The following COMMD1 variants were observed in gnomAD, a reference collection of about 807,000 sequenced individuals.
COMMD1 encodes copper metabolism domain containing 1, also known as COMM domain-containing protein 1.
COMMD1 carries 10 observed loss-of-function variants against 17.2 expected under a neutral mutation model. The ratio of observed to expected loss-of-function variants is 0.58; its 90% CI spans 0.36 to 0.99. The LOEUF is 0.99. COMMD1 is among the 50% of genes least tolerant of loss of function. The probability of loss-of-function intolerance (pLI) is 0.01; values close to 1 mark genes in which losing one functional copy is unlikely to be tolerated. For synonymous variants in COMMD1, 97 were observed against 91.6 expected, an observed-to-expected ratio of 1.06 and a Z score of -0.34; for missense variants, 270 against 231.8, an observed-to-expected ratio of 1.17 and a Z score of -1.07.
intron 2 of COMMD1, among the ~76,000 whole-genome samples, chr2:62,003,198 A>C (rs184623947): frequency 6.6e-6 from 1 of 150,684 alleles, no homozygotes; most frequent in Non-Finnish European, 1.5e-5. Flanking sequence ...GTGCCACTGC[A>C]CTCCAGTCTG....
chr2:62,060,010 A>G (rs1670814960), intron 2 of COMMD1, among the ~76,000 whole-genome samples: 1 of 152,126 alleles, frequency 6.6e-6, no homozygotes, highest in Admixed American at 6.5e-5. Flanking sequence ...GGATTGCACT[A>G]GAGATTACAA....
intron 1 of COMMD1, among the ~76,000 whole-genome samples, chr2:61,986,367 A>G (rs767755221): frequency 6.6e-6 from 1 of 151,922 alleles, no homozygotes; most frequent in Non-Finnish European, 1.5e-5. Context: ...TCTTCTTTGC[A>G]TTAAATCTGT....
chr2:61,983,854 T>C (rs1672025462), intron 1 of COMMD1, among the ~76,000 whole-genome samples: 1 of 152,228 alleles, frequency 6.6e-6, no homozygotes, highest in African/African-American at 2.4e-5. Context: ...ATCTTTATTA[T>C]TTCTTTGCTT....
intron 1 of COMMD1, among the ~76,000 whole-genome samples, chr2:61,983,341 C>T (rs1006856705): frequency 3.3e-5 from 5 of 151,752 alleles, no homozygotes; most frequent in Non-Finnish European, 5.9e-5. Context: ...AGGCACGTGC[C>T]ACCACGCCTG....
intron 1 of COMMD1, among the ~76,000 whole-genome samples, chr2:61,994,234 A>G (rs754939287): frequency 1.3e-5 from 2 of 151,988 alleles, no homozygotes; most frequent in Admixed American, 6.6e-5. Context: ...TGACCTGCCC[A>G]CCTCAGCCTC....
chr2:62,022,710 T>C (rs1374464694), intron 2 of COMMD1, among the ~76,000 whole-genome samples: 1 of 152,042 alleles, frequency 6.6e-6, no homozygotes. Context: ...CCCTCTACTT[T>C]AGTAGAAATG....
intron 1 of COMMD1, among the ~76,000 whole-genome samples, chr2:61,946,126 G>C (rs1670898373): frequency 6.6e-6 from 1 of 152,050 alleles, no homozygotes; most frequent in African/African-American, 2.4e-5. Context: ...GTTTTACACA[G>C]ATATAACTTA....
intron 2 of COMMD1, among the ~76,000 whole-genome samples, chr2:62,046,226 G>A (rs1410110254): frequency 6.6e-6 from 1 of 152,202 alleles, no homozygotes; most frequent in African/African-American, 2.4e-5. Context: ...TCCTGGTTAA[G>A]TCATATAACT....
chr2:62,102,426 C>T (rs943208908), intron 2 of COMMD1, among the ~76,000 whole-genome samples: 19 of 152,282 alleles, frequency 1.2e-4, no homozygotes, highest in African/African-American at 4.6e-4. Flanking sequence ...CTGAACTAAA[C>T]ATTTTCTCTT....
chr2:62,105,173 A>G (rs1463745731), intron 2 of COMMD1, among the ~76,000 whole-genome samples: 2 of 151,872 alleles, frequency 1.3e-5, no homozygotes, highest in Non-Finnish European at 2.9e-5. Flanking sequence ...ATATAACATA[A>G]TAGTAGATTG....
In COMMD1 at chr2:62,005,868, T is replaced by C. The variant is rs1669097875; in HGVS notation, c.462+4886T>C. Among the ~76,000 whole-genome samples, 12 of 151,500 alleles carry C rather than the reference T, an allele frequency of 7.9e-5. 1 individual carries two copies. The South Asian group carries it at 2.3e-3, about 29-fold the overall frequency. Reference sequence around the variant, plus strand: ...GGGTATATACCCAAAGGACTATAAATCATGCTGCTATAAAGACACATGCAC... The same window carrying C: ...GGGTATATACCCAAAGGACTATAAACCATGCTGCTATAAAGACACATGCAC... On this transcript the variant is annotated intron_variant, in intron 2 of 2. Transcript: ENST00000311832.
At chr2:61,932,156 G>A (rs1670482014) in intron 1 of COMMD1, among the ~76,000 whole-genome samples, 1 of 152,188 alleles carries the variant, frequency 6.6e-6, no homozygotes. Flanking sequence ...CACCGCGTCT[G>A]GCCTTTTCTT....
At chr2:62,115,204 G>T (rs555446515) in intron 2 of COMMD1, among the ~76,000 whole-genome samples, 28 of 152,208 alleles carry the variant, frequency 1.8e-4, no homozygotes, top group Non-Finnish European at 3.8e-4. Flanking sequence ...CTAGAAGGTG[G>T]TGGAGTCTTT....
intron 2 of COMMD1, among the ~76,000 whole-genome samples, chr2:62,008,610 T>C (rs772519670): frequency 1.3e-5 from 2 of 152,208 alleles, no homozygotes; most frequent in Non-Finnish European, 2.9e-5. Context: ...TGATAATTCT[T>C]GTATTTAAGG....
intron 2 of COMMD1, among the ~76,000 whole-genome samples, chr2:62,041,447 C>T (rs1670195208): frequency 1.3e-5 from 2 of 152,134 alleles, no homozygotes; most frequent in African/African-American, 4.8e-5. Flanking sequence ...CACTCTGTCA[C>T]CACGTTGGAG....
At chr2:62,067,433 C>T (rs918128888) in intron 2 of COMMD1, among the ~76,000 whole-genome samples, 4 of 151,842 alleles carry the variant, frequency 2.6e-5, no homozygotes, top group African/African-American at 9.7e-5. Flanking sequence ...CATTATTTTC[C>T]CCAAGCCCCA....
chr2:61,955,934 G>A (rs924432273), intron 1 of COMMD1, among the ~76,000 whole-genome samples: 1 of 152,138 alleles, frequency 6.6e-6, no homozygotes, highest in South Asian at 2.1e-4. Flanking sequence ...TGATCTGCCC[G>A]CCTTGGCCTC....
chr2:61,924,452 G>A (rs1321172583), intron 1 of COMMD1, among the ~76,000 whole-genome samples: 3 of 151,648 alleles, frequency 2.0e-5, no homozygotes, highest in Admixed American at 6.6e-5. Context: ...CATGCTGTTC[G>A]GTGGAGGATT....
intron 1 of COMMD1, among the ~76,000 whole-genome samples, chr2:61,932,844 G>C (rs944439378): frequency 6.6e-6 from 1 of 152,186 alleles, no homozygotes. Flanking sequence ...TGTGGACCCC[G>C]TAGCAGCATC....
Sources: allele counts gnomAD v4.1 joint callset (sites outside exome capture counted in the v4.1 genomes callset), GRCh38; gene constraint gnomAD v4.1.1; transcripts MANE v1.5; gene names NCBI Gene and HGNC (gene_info 2026-07-23, HGNC 2026-07-21).